RASGRF2: variants seen among roughly 807,000 people sequenced by gnomAD.
RASGRF2 encodes the protein Ras protein specific guanine nucleotide releasing factor 2, also known as ras-specific guanine nucleotide-releasing factor 2.
In RASGRF2, 76 loss-of-function variants were observed where a neutral mutation model predicts 151.0. That is an observed-to-expected ratio of 0.50 (90% CI 0.42 to 0.61). RASGRF2 has a LOEUF of 0.61. Ranked by LOEUF, RASGRF2 falls within the 20% of genes least tolerant of loss-of-function variation. The pLI is 0.00. For missense variants in RASGRF2, 1,148 were observed against 1,564.6 expected (o/e 0.73, Z 4.49); for synonymous variants, 504 against 566.5 (o/e 0.89, Z 1.57).
At chr5:81,105,616 A>T (rs984873790) in intron 12 of RASGRF2, among the ~76,000 whole-genome samples, 2 of 152,134 alleles carry the variant, frequency 1.3e-5, no homozygotes, top group Non-Finnish European at 2.9e-5. Flanking sequence ...CACAGGTCTC[A>T]CCAAACACCA....
chr5:81,002,456 A>C lies in RASGRF2; in HGVS notation c.289-40421A>C, dbSNP rs367849413. On this transcript the variant is annotated intron_variant, in intron 1 of 26. Transcript: ENST00000265080. Reference sequence around the variant, plus strand: ...ACAAAACTATAACTGAGGGATAGCCAAGGAACATCTGGACAATAATTTGTG... The same window carrying C: ...ACAAAACTATAACTGAGGGATAGCCCAGGAACATCTGGACAATAATTTGTG... Among the ~76,000 whole-genome samples the C allele has an allele frequency of 2.8e-4, 42 of 152,334 alleles. 1 individual carries two copies. In the East Asian group the frequency reaches 4.8e-3, roughly 17 times the overall value.
At chr5:80,973,107 G>T (rs1427679776) in intron 1 of RASGRF2, among the ~76,000 whole-genome samples, 4 of 152,080 alleles carry the variant, frequency 2.6e-5, no homozygotes, top group African/African-American at 9.7e-5. Context: ...GAAATGAATG[G>T]AGATGAGGAC....
At chr5:81,024,796 C>T (rs572705291) in intron 1 of RASGRF2, among the ~76,000 whole-genome samples, 14 of 152,298 alleles carry the variant, frequency 9.2e-5, no homozygotes, top group Admixed American at 3.3e-4. Flanking sequence ...ATAAAAAGTT[C>T]TCTGGTCACA....
intron 1 of RASGRF2, among the ~76,000 whole-genome samples, chr5:81,017,000 C>A (rs989642347): frequency 6.6e-6 from 1 of 152,160 alleles, no homozygotes; most frequent in Non-Finnish European, 1.5e-5. Context: ...CACACTGGGT[C>A]GTACTGTTTT....
intron 2 of RASGRF2, among the ~76,000 whole-genome samples, chr5:81,066,035 T>C (rs1330401109): frequency 6.6e-6 from 1 of 152,122 alleles, no homozygotes; most frequent in African/African-American, 2.4e-5. Flanking sequence ...GAAAAGAAAA[T>C]ACTGCTTTGC....
chr5:81,046,571 C>T (rs546832974), intron 2 of RASGRF2, among the ~76,000 whole-genome samples: 9 of 152,172 alleles, frequency 5.9e-5, no homozygotes, highest in African/African-American at 2.2e-4. Flanking sequence ...GAGACCCAGT[C>T]TTGTTTTTGT....
Position 81,029,416 on chromosome 5 carries a change from C to T in RASGRF2, c.289-13461C>T, listed in dbSNP as rs528949767. On this transcript the variant is annotated intron_variant, in intron 1 of 26. Coordinates refer to ENST00000265080, the MANE Select transcript of RASGRF2 (RefSeq NM_006909.3). ...ATCTCCCAGTAGGGGCTGACTGACACCTCATATGGCCGGGTGCCCCTCTGA... is the reference window on the plus strand; with the variant it reads ...ATCTCCCAGTAGGGGCTGACTGACATCTCATATGGCCGGGTGCCCCTCTGA... 5.3e-5 allele frequency among the ~76,000 whole-genome samples: 8 copies of T among 152,318 alleles called. No individual in the cohort carries two copies. The South Asian group carries it at 1.5e-3, about 28-fold the overall frequency.
At chr5:81,198,748 G>A (rs1049325116) in intron 18 of RASGRF2, among the ~76,000 whole-genome samples, 2 of 152,102 alleles carry the variant, frequency 1.3e-5, no homozygotes, top group African/African-American at 2.4e-5. Context: ...CCATGATTTC[G>A]TTTTTTAAGG....
At chr5:80,981,932 AC>A (rs1475437442) in intron 1 of RASGRF2, among the ~76,000 whole-genome samples, 1 of 152,196 alleles carries the variant, frequency 6.6e-6, no homozygotes, top group Non-Finnish European at 1.5e-5. Flanking sequence ...TGTCATATTT[AC>A]CTTTAAAGAA....
At chr5:80,977,502 C>T (rs1044824982) in intron 1 of RASGRF2, among the ~76,000 whole-genome samples, 1 of 145,950 alleles carries the variant, frequency 6.9e-6, no homozygotes, top group Non-Finnish European at 1.5e-5. Flanking sequence ...TGCTCTTGTC[C>T]CCCAGGCTGG....
chr5:81,165,713 G>A (rs891278522), intron 17 of RASGRF2, among the ~76,000 whole-genome samples: 1 of 152,208 alleles, frequency 6.6e-6, no homozygotes, highest in African/African-American at 2.4e-5. Flanking sequence ...TGCTGGTCCT[G>A]TGTGCCTCTG....
At chr5:81,221,769 G>T (rs1173782529) in intron 26 of RASGRF2, among the ~76,000 whole-genome samples, 3 of 152,182 alleles carry the variant, frequency 2.0e-5, no homozygotes, top group Non-Finnish European at 2.9e-5. Context: ...CTGAGGTCAG[G>T]AGTTCAAGAC....
chr5:81,082,796 C>T (rs1752123775), intron 7 of RASGRF2, among the ~76,000 whole-genome samples: 1 of 152,238 alleles, frequency 6.6e-6, no homozygotes, highest in South Asian at 2.1e-4. Flanking sequence ...AGGCTTTGAT[C>T]TGGAAGAAGC....
At chr5:81,072,325 A>G (rs191474182) in intron 4 of RASGRF2, among the ~76,000 whole-genome samples, 7 of 152,352 alleles carry the variant, frequency 4.6e-5, no homozygotes, top group Non-Finnish European at 1.0e-4. Flanking sequence ...ATAAAAACTG[A>G]TAACATGGTG....
intron 25 of RASGRF2, among the ~76,000 whole-genome samples, chr5:81,219,457 A>C (rs1217477031): frequency 6.7e-6 from 1 of 148,966 alleles, no homozygotes; most frequent in East Asian, 1.9e-4. Flanking sequence ...GCCTCTCCCA[A>C]ACATGAGGCC....
Position 80,960,695 on chromosome 5 carries a change from G to A in RASGRF2, c.-44G>A, listed in dbSNP as rs985929150. On this transcript the variant is annotated 5_prime_UTR_variant, in exon 1 of 27. Transcript: ENST00000265080. This position sits in a 1 kb window ranked among gnomAD's most constrained non-coding sequence, Gnocchi z 5.5. ...CCAGCTGGGCCATGGCCGCGAGGCA[G>A]GGGTGAGACCGGCGGCCACCCGTGA... The A allele has an allele frequency of 1.4e-6, 2 of 1,436,348 alleles. No individual in the cohort carries two copies. The highest frequency in any genetic ancestry group is 1.4e-5 in the African/African-American group (1 of 70,088). 89.0% of individuals were successfully genotyped at this position (1,436,348 alleles called of 1,614,324 possible).
At position 81,215,955 on chromosome 5, in the gene RASGRF2, A is replaced by C. The variant is rs766618613; in HGVS notation, c.3434A>C (p.Asn1145Thr). ...RFKNLRETLK[N>T]CNPPAVPYLG... ...AAAAATCTTAGAGAAACCCTTAAAA[A>C]GTATGTCTATCTTAATTATTAAATT... The change falls in exon 24 of 27, where the codon AAT becomes ACT. Residue 1145 changes from asparagine (N) to threonine (T), a missense_variant and splice_region_variant. Asn to Thr is a moderately conservative substitution (Grantham distance 65). This residue lies in a region of RASGRF2 where 100 missense variants were observed against 148.2 expected (regional missense o/e 0.67). Transcript: ENST00000265080. The C allele has an allele frequency of 6.5e-7, 1 of 1,529,212 alleles. No individual in the cohort carries two copies. 94.7% of individuals were successfully genotyped at this position (1,529,212 alleles called of 1,614,324 possible).
intron 12 of RASGRF2, among the ~76,000 whole-genome samples, chr5:81,105,528 A>G (rs252580): frequency 0.85 from 129,881 of 152,154 alleles, 55,934 homozygotes; most frequent in Middle Eastern, 0.94. Flanking sequence ...TGGTGCAGTC[A>G]TTCTAAGGCT....
intron 5 of RASGRF2, among the ~76,000 whole-genome samples, chr5:81,076,763 T>C (rs1027188978): frequency 4.6e-5 from 7 of 152,216 alleles, no homozygotes; most frequent in Admixed American, 1.3e-4. Context: ...AGGTGTGGAA[T>C]AGTGATAACT....
Sources: gnomAD v4.1 joint callset for allele counts (sites outside exome capture counted in the v4.1 genomes callset) on GRCh38, gnomAD v4.1.1 for gene constraint, gnomAD v4.1.1 regional missense constraint, Gnocchi (gnomAD v3.1) non-coding constraint, MANE v1.5 for transcripts, NCBI Gene and HGNC (gene_info 2026-07-23, HGNC 2026-07-21) for gene names.